Variants in RAB3B observed in about 807,000 individuals in gnomAD.
RAB3B encodes the protein ras-related protein Rab-3B.
In RAB3B, 11 loss-of-function variants were observed where a neutral mutation model predicts 20.5. That is an observed-to-expected ratio of 0.54 (90% CI 0.34 to 0.89). The LOEUF is 0.89. RAB3B is among the 40% of genes least tolerant of loss of function. The probability of loss-of-function intolerance (pLI) is 0.02; values close to 1 mark genes in which losing one functional copy is unlikely to be tolerated. For missense variants in RAB3B, 225 were observed against 280.9 expected (o/e 0.80, Z 1.42); for synonymous variants, 99 against 106.3 (o/e 0.93, Z 0.42).
rs1684127565 is a variant in RAB3B, at chr1:51,918,992, T to C, written c.*935A>G. On this transcript the variant is annotated 3_prime_UTR_variant, in exon 5 of 5. Transcript: ENST00000371655. ...TTCTCTTTTTTTTTTTTTTTTTTTT[T>C]TTGAGACGGAGTCTCGCTCTGTCGC... 1 of 125,008 alleles carries C rather than the reference T, an allele frequency of 8.0e-6. No individual in the cohort carries two copies. Among genetic ancestry groups the C allele is most frequent in the African/African-American group, 2.9e-5 (1 of 35,022 alleles). The allele number at this position is 125,008 out of a possible 1,614,324, so 7.7% of individuals were successfully genotyped here. A position where few individuals can be genotyped will look rare whatever the true frequency, so the allele number is the denominator to read the frequency against.
At chr1:51,965,241 A>G (rs552662200) in intron 2 of RAB3B, among the ~76,000 whole-genome samples, 3 of 152,230 alleles carry the variant, frequency 2.0e-5, no homozygotes, top group South Asian at 4.1e-4. Flanking sequence ...AAGAAACGAA[A>G]AAAAGAAAGA....
At position 51,916,571 on chromosome 1, in the gene RAB3B, A is replaced by T. The variant is rs148586408; in HGVS notation, c.*3356T>A. On this transcript the variant is annotated 3_prime_UTR_variant, in exon 5 of 5. Transcript: ENST00000371655. ...CCTCTGAAGCAACTGTATTATACCC[A>T]TGGTCAGAAAAGTTAATCAAGTCAC... The T allele has an allele frequency of 6.6e-6, 1 of 152,356 alleles. No homozygotes were observed. Among genetic ancestry groups the T allele is most frequent in the East Asian group, 1.9e-4 (1 of 5,180 alleles). The allele number at this position is 152,356 out of a possible 1,614,324, so 9.4% of individuals were successfully genotyped here.
At chr1:51,958,584 G>A (rs565619187) in intron 2 of RAB3B, among the ~76,000 whole-genome samples, 8 of 152,292 alleles carry the variant, frequency 5.3e-5, no homozygotes, top group East Asian at 1.9e-4. Flanking sequence ...TTAGCCGGGC[G>A]TGGAGGCGCA....
At chr1:51,942,751 G>T (rs1421684423) in intron 2 of RAB3B, among the ~76,000 whole-genome samples, 3 of 152,060 alleles carry the variant, frequency 2.0e-5, no homozygotes, top group Non-Finnish European at 4.4e-5. Context: ...TTTACAGATT[G>T]AATGTTTGTG....
At chr1:51,930,463 C>T (rs1230914576) in intron 4 of RAB3B, among the ~76,000 whole-genome samples, 1 of 152,218 alleles carries the variant, frequency 6.6e-6, no homozygotes, top group Non-Finnish European at 1.5e-5. Context: ...GGGAGCCAGA[C>T]TACCACCTGA....
intron 3 of RAB3B, among the ~76,000 whole-genome samples, chr1:51,936,378 C>T (rs1264928818): frequency 6.6e-6 from 1 of 152,188 alleles, no homozygotes. Flanking sequence ...TGAACTTGGA[C>T]TGTATGTGCT....
chr1:51,980,582 A>T (rs902371024), intron 1 of RAB3B: 69 of 775,058 alleles, frequency 8.9e-5, no homozygotes, highest in Non-Finnish European at 1.5e-4. Flanking sequence ...AAGGCCATTA[A>T]GAAATTCGTC....
At chr1:51,965,445 G>C (rs762821529) in intron 2 of RAB3B, among the ~76,000 whole-genome samples, 16 of 151,500 alleles carry the variant, frequency 1.1e-4, no homozygotes, top group African/African-American at 3.9e-4. Context: ...TCAGGAGTTC[G>C]AGACCAGCCT....
intron 2 of RAB3B, among the ~76,000 whole-genome samples, chr1:51,964,833 T>A (rs944273769): frequency 2.0e-5 from 3 of 152,210 alleles, no homozygotes; most frequent in Admixed American, 6.5e-5. Context: ...CAGCCTCAAT[T>A]GTTACAAATC....
Position 51,908,803 on chromosome 1 carries a change from G to A in RAB3B, c.*11124C>T, listed in dbSNP as rs1683957683. The A allele has an allele frequency of 6.6e-6, 1 of 152,194 alleles. No individual in the cohort carries two copies. Among genetic ancestry groups the A allele is most frequent in the South Asian group, 2.1e-4 (1 of 4,826 alleles). 9.4% of individuals were successfully genotyped at this position (152,194 alleles called of 1,614,324 possible). ...TTACTGCCTTCTCTATGTAGTCTTG[G>A]ATAGGTTGCTTCACTGATGCAGGCC... is the stretch of plus-strand genomic sequence containing the variant. On this transcript the variant is annotated 3_prime_UTR_variant, in exon 5 of 5. Coordinates refer to ENST00000371655, the MANE Select transcript of RAB3B (RefSeq NM_002867.4).
At chr1:51,920,700 T>C (rs1684160720) in intron 4 of RAB3B, among the ~76,000 whole-genome samples, 1 of 152,194 alleles carries the variant, frequency 6.6e-6, no homozygotes. Flanking sequence ...AAAGCACCAG[T>C]ATGAGAAGCC....
intron 2 of RAB3B, among the ~76,000 whole-genome samples, chr1:51,955,406 T>G (rs986641457): frequency 1.3e-5 from 2 of 152,038 alleles, no homozygotes; most frequent in Non-Finnish European, 2.9e-5. Flanking sequence ...ACTCTTTTTT[T>G]TCTTAGACAG....
intron 2 of RAB3B, among the ~76,000 whole-genome samples, chr1:51,940,164 T>C (rs1684471344): frequency 6.6e-6 from 1 of 152,200 alleles, no homozygotes; most frequent in African/African-American, 2.4e-5. Flanking sequence ...TACAACATAT[T>C]GCCTTAGCCA....
At chr1:51,939,864 T>C (rs949565502) in intron 2 of RAB3B, among the ~76,000 whole-genome samples, 1 of 152,358 alleles carries the variant, frequency 6.6e-6, no homozygotes, top group East Asian at 1.9e-4. Flanking sequence ...CATGAGCCTG[T>C]AAAGCCCAGC....
At chr1:51,989,133 ATC>A (rs1685188810) in intron 1 of RAB3B, among the ~76,000 whole-genome samples, 1 of 144,222 alleles carries the variant, frequency 6.9e-6, no homozygotes, top group African/African-American at 2.6e-5. Context: ...ACACACACAC[ATC>A]CTCTCCTTTT....
intron 4 of RAB3B, among the ~76,000 whole-genome samples, chr1:51,928,283 T>A (rs561572654): frequency 6.6e-6 from 1 of 152,214 alleles, no homozygotes; most frequent in South Asian, 2.1e-4. Flanking sequence ...ATTTTTGTAT[T>A]TTTAGTAGAG....
intron 2 of RAB3B, among the ~76,000 whole-genome samples, chr1:51,966,469 C>A (rs1684853369): frequency 6.6e-6 from 1 of 152,056 alleles, no homozygotes; most frequent in South Asian, 2.1e-4. Context: ...TTCTCCCATG[C>A]CAGTTTGGAT....
chr1:51,975,601 C>G (rs765388728), intron 2 of RAB3B, among the ~76,000 whole-genome samples: 12 of 152,332 alleles, frequency 7.9e-5, no homozygotes, highest in African/African-American at 2.9e-4. Flanking sequence ...AAAGACACTT[C>G]AGCAGCTCTG....
chr1:51,969,281 T>A (rs1367473323), intron 2 of RAB3B, among the ~76,000 whole-genome samples: 6 of 152,164 alleles, frequency 3.9e-5, no homozygotes, highest in Admixed American at 3.9e-4. Context: ...TCGGACACCC[T>A]GTCTCAACAT....
Sources: gnomAD v4.1 joint callset for allele counts (sites outside exome capture counted in the v4.1 genomes callset) on GRCh38, gnomAD v4.1.1 for gene constraint, MANE v1.5 for transcripts, NCBI Gene and HGNC (gene_info 2026-07-23, HGNC 2026-07-21) for gene names.